The following CEP162 variants were observed in gnomAD, a reference collection of about 807,000 sequenced individuals.
The protein encoded by CEP162 is centrosomal protein 162, also known as centrosomal protein of 162 kDa.
A neutral mutation model predicts 169.2 loss-of-function variants in CEP162; 141 were observed. The observed-to-expected ratio is 0.83, with a 90% CI of 0.73 to 0.96. The LOEUF (loss-of-function observed/expected upper bound fraction) is 0.96. CEP162 is among the 40% of genes least tolerant of loss of function. CEP162 has a pLI of 0.00. For missense variants in CEP162, 1,600 were observed against 1,587.2 expected (o/e 1.01, Z -0.14); for synonymous variants, 540 against 526.4 (o/e 1.03, Z -0.35).
chr6:84,174,993 T>C (rs368691337), intron 14 of CEP162, 39 bp from the exon 15 acceptor site: 71 of 1,325,908 alleles, frequency 5.4e-5, no homozygotes, highest in Admixed American at 6.8e-5. Context: ...AGTAGACTTA[T>C]GTATAAGATT....
chr6:84,224,356 T>G (rs1216460718), intron 2 of CEP162, among the ~76,000 whole-genome samples: 1 of 152,150 alleles, frequency 6.6e-6, no homozygotes, highest in Admixed American at 6.5e-5. Context: ...GAGACAGAAG[T>G]CAGCTTAGTA....
chr6:84,227,189 CTAGAG>C (rs913758930), intron 1 of CEP162, among the ~76,000 whole-genome samples: 2 of 152,156 alleles, frequency 1.3e-5, no homozygotes, highest in Non-Finnish European at 2.9e-5. Context: ...CCTGAACTCC[CTAGAG>C]CAGCTCAAAT....
intron 22 of CEP162, among the ~76,000 whole-genome samples, 199 bp from the exon 23 acceptor site, chr6:84,153,378 T>C (rs2099521869): frequency 6.6e-6 from 1 of 152,202 alleles, no homozygotes; most frequent in Admixed American, 6.6e-5. Context: ...ATATTCTTGA[T>C]ATATGTTATG....
chr6:84,160,951 T>C (rs1413117407), intron 20 of CEP162, 35 bp from the exon 21 acceptor site: 3 of 1,380,258 alleles, frequency 2.2e-6, no homozygotes, highest in East Asian at 2.3e-5. Flanking sequence ...AAGAAGCATA[T>C]GTAAACATAA....
intron 21 of CEP162, among the ~76,000 whole-genome samples, chr6:84,160,411 T>A (rs2099525284): frequency 6.6e-6 from 1 of 152,094 alleles, no homozygotes. Context: ...TTATAGGGTG[T>A]TTTGTAACAT....
chr6:84,219,089 AT>A, intron 3 of CEP162: 1 of 936,364 alleles, frequency 1.1e-6, no homozygotes. Context: ...CTCACTGTTA[AT>A]GTTTAATGGT....
intron 13 of CEP162, among the ~76,000 whole-genome samples, chr6:84,184,359 G>C (rs2099536192): frequency 6.6e-6 from 1 of 152,104 alleles, no homozygotes; most frequent in Non-Finnish European, 1.5e-5. Flanking sequence ...GCTATCTGCA[G>C]CATGGTCTAT....
intron 26 of CEP162, 108 bp from the exon 27 acceptor site, chr6:84,125,384 T>A: frequency 4.7e-6 from 4 of 844,732 alleles, no homozygotes; most frequent in Non-Finnish European, 7.7e-6. Flanking sequence ...GGAACTCAGG[T>A]AAATCATAAT....
At chr6:84,178,013 C>T (rs1490544188) in intron 13 of CEP162, among the ~76,000 whole-genome samples, 1 of 152,066 alleles carries the variant, frequency 6.6e-6, no homozygotes, top group Non-Finnish European at 1.5e-5. Flanking sequence ...AATAAGGGAG[C>T]ATTATTTTAT....
chr6:84,145,345 G>GCAAAACAGACTTATA (rs2129197010), intron 25 of CEP162, among the ~76,000 whole-genome samples: 1 of 152,198 alleles, frequency 6.6e-6, no homozygotes, highest in East Asian at 1.9e-4. Context: ...AAAAGTTCCA[G>GCAAAACAGACTTATA]CAAAACAGAC....
chr6:84,149,431 A>G, intron 24 of CEP162, 131 bp downstream of exon 24: 2 of 555,348 alleles, frequency 3.6e-6, no homozygotes, highest in South Asian at 4.8e-5. Flanking sequence ...TCAAGCCAAT[A>G]ATAGTTTCCC....
intron 25 of CEP162, among the ~76,000 whole-genome samples, chr6:84,137,537 A>C (rs560339267): frequency 1.1e-3 from 163 of 152,154 alleles, no homozygotes; most frequent in African/African-American, 3.4e-3. Flanking sequence ...ATGCAGATTA[A>C]AAAAAATAAA....
intron 8 of CEP162, 144 bp downstream of exon 8, chr6:84,201,593 C>T (rs1256046467): frequency 3.5e-6 from 2 of 568,118 alleles, no homozygotes; most frequent in African/African-American, 2.0e-5. Flanking sequence ...GATAGAAACA[C>T]ATTATTGAGA....
chr6:84,165,430 TC>T (rs1394310737), intron 18 of CEP162, among the ~76,000 whole-genome samples: 6 of 152,080 alleles, frequency 3.9e-5, no homozygotes, highest in African/African-American at 1.4e-4. Flanking sequence ...TACTTACCTT[TC>T]AAAGCTCACT....
chr6:84,183,959 A>AG (rs1422781851), intron 13 of CEP162, among the ~76,000 whole-genome samples: 1 of 152,064 alleles, frequency 6.6e-6, no homozygotes, highest in Non-Finnish European at 1.5e-5. Context: ...GCATCTAATG[A>AG]TACTGCTTTC....
intron 3 of CEP162, chr6:84,219,250 T>G (rs2099552716): frequency 1.1e-6 from 1 of 896,230 alleles, no homozygotes; most frequent in Non-Finnish European, 1.6e-6. Flanking sequence ...TCAGTAACCG[T>G]TTGCTTGAAT....
At position 84,175,342 on chromosome 6, in the gene CEP162, A is replaced by AG. The variant is rs2099531979; in HGVS notation, c.1668dup (p.Ser558IlefsTer13). ...GGCTTGATGAGTTTTGTTCCAGATA[A>AG]GATTTCTAAATATTATAAACAATGT... On this transcript the variant is annotated frameshift_variant, in exon 14 of 27. Coordinates refer to ENST00000403245, the MANE Select transcript of CEP162 (RefSeq NM_014895.4). LOFTEE classifies it high-confidence loss of function. The AG allele has an allele frequency of 1.3e-6, 2 of 1,539,344 alleles. No individual in the cohort carries two copies. Among genetic ancestry groups the AG allele is most frequent in the Non-Finnish European group, 1.8e-6 (2 of 1,140,898 alleles).
intron 6 of CEP162, among the ~76,000 whole-genome samples, chr6:84,204,533 G>A (rs2099545955): frequency 6.6e-6 from 1 of 152,106 alleles, no homozygotes; most frequent in Non-Finnish European, 1.5e-5. Flanking sequence ...AAACCAATGA[G>A]AACAAAGACA....
Position 84,125,166 on chromosome 6 carries a change from T to C in CEP162, c.4116A>G (p.Glu1372=). 6.2e-7 allele frequency: 1 copy of C among 1,613,670 alleles called. No homozygotes were observed. Among genetic ancestry groups the C allele is most frequent in the Non-Finnish European group, 8.5e-7 (1 of 1,179,688 alleles). ...GGAGAACATCTAATATTGAGTCTAG[T>C]TCTGTGCGGAACTTCTCCAGCTCAC... The part of the protein sequence containing the change: ...KNRELEKFRT[E]LDSILDVLRE... Residue 1372 remains glutamate, a synonymous_variant, in exon 27 of 27, where the codon GAA becomes GAG. Coordinates refer to ENST00000403245, the MANE Select transcript of CEP162 (RefSeq NM_014895.4).
Sources: allele counts gnomAD v4.1 joint callset (sites outside exome capture counted in the v4.1 genomes callset), GRCh38; gene constraint gnomAD v4.1.1; transcripts MANE v1.5; gene names NCBI Gene and HGNC (gene_info 2026-07-23, HGNC 2026-07-21).